The following GPR180 variants were observed in gnomAD, a reference collection of about 807,000 sequenced individuals.
GPR180 encodes G protein-coupled receptor 180.
A neutral mutation model predicts 52.6 loss-of-function variants in GPR180; 53 were observed. That is an observed-to-expected ratio of 1.01 (90% CI 0.81 to 1.27). The LOEUF is 1.27. Ranked by LOEUF, GPR180 falls within the 50% of genes most tolerant of loss-of-function variation. The pLI, the probability that GPR180 is intolerant of heterozygous loss-of-function variation, is 0.00. For missense variants in GPR180, 533 were observed against 527.0 expected, an observed-to-expected ratio of 1.01 and a Z score of -0.11; for synonymous variants, 200 against 193.1, an observed-to-expected ratio of 1.04 and a Z score of -0.30.
intron 5 of GPR180, among the ~76,000 whole-genome samples, chr13:94,620,359 T>C (rs1408783532): frequency 6.6e-6 from 1 of 152,178 alleles, no homozygotes; most frequent in Non-Finnish European, 1.5e-5. Context: ...ATAAAATAAA[T>C]ATATATATGA....
In GPR180 at chr13:94,602,045, C is replaced by A; in HGVS notation, c.118C>A (p.Gln40Lys). 1 of 1,441,342 alleles carries A rather than the reference C, an allele frequency of 6.9e-7. No homozygotes were observed. The highest frequency in any genetic ancestry group is 9.1e-7 in the Non-Finnish European group (1 of 1,096,056). 89.3% of individuals were successfully genotyped at this position (1,441,342 alleles called of 1,614,324 possible). ...CACCGCGGCCCAGGACGCCCAGGGC[C>A]AGCGCATCGGCCACTTCGAGTTCCA... The part of the protein sequence containing the change: ...SSTAAQDAQG[Q>K]RIGHFEFHGD... The change falls in exon 1 of 9, where the codon CAG becomes AAG. Residue 40 changes from glutamine to lysine, a missense_variant. Physicochemically the swap from Gln to Lys is moderately conservative, Grantham distance 53 (BLOSUM62 1). Transcript: ENST00000376958.
In GPR180 at chr13:94,627,428, AT is replaced by A; in HGVS notation, c.*258del. 2.4e-6 allele frequency: 1 copy of A among 409,186 alleles called. No individual in the cohort carries two copies. Among genetic ancestry groups the A allele is most frequent in the Non-Finnish European group, 4.3e-6 (1 of 233,908 alleles). 25.3% of individuals were successfully genotyped at this position (409,186 alleles called of 1,614,324 possible). ...TTATTGAAGCGATTTCTATGTGGAA[AT>A]AAATGTGAAAAATAACTATGATATT... On this transcript the variant is annotated 3_prime_UTR_variant, in exon 9 of 9. Transcript: ENST00000376958.
Position 94,633,479 on chromosome 13 carries a change from TATTA to T in GPR180, c.*6312_*6315del, listed in dbSNP as rs1202114464. 8.5e-5 allele frequency: 13 copies of T among 152,300 alleles called. No homozygotes were observed. In the East Asian group the frequency reaches 2.5e-3, roughly 29 times the overall value. The allele number at this position is 152,300 out of a possible 1,614,324, so 9.4% of individuals were successfully genotyped here. Reference sequence around the variant, plus strand: ...TTATAGTTTTAATTTGCATTTCTCTTATTAATTTTTGTTTTAAAACCATTTTCTT... The same window carrying T: ...TTATAGTTTTAATTTGCATTTCTCTTATTTTTGTTTTAAAACCATTTTCTT... On this transcript the variant is annotated 3_prime_UTR_variant, in exon 9 of 9. Coordinates refer to ENST00000376958, the MANE Select transcript of GPR180 (RefSeq NM_180989.6).
At position 94,628,735 on chromosome 13, in the gene GPR180, A is replaced by G. The variant is rs1419655744; in HGVS notation, c.*1564A>G. 1 of 152,088 alleles carries G rather than the reference A, an allele frequency of 6.6e-6. No individual in the cohort carries two copies. The highest frequency in any genetic ancestry group is 2.4e-5 in the African/African-American group (1 of 41,458). The allele number at this position is 152,088 out of a possible 1,614,324, so 9.4% of individuals were successfully genotyped here. A position where few individuals can be genotyped will look rare whatever the true frequency, so the allele number is the denominator to read the frequency against. On this transcript the variant is annotated 3_prime_UTR_variant, in exon 9 of 9. Coordinates refer to ENST00000376958, the MANE Select transcript of GPR180 (RefSeq NM_180989.6). ...TTAGAGCTACAGGTTAAGACTAGAA[A>G]GTCTGAGTTATGTTTTAGGTATACA...
In GPR180 at chr13:94,634,608, C is replaced by G. The variant is rs1890040861; in HGVS notation, c.*7437C>G. The G allele has an allele frequency of 6.6e-6, 1 of 152,084 alleles. No homozygotes were observed. Among genetic ancestry groups the G allele is most frequent in the Admixed American group, 6.6e-5 (1 of 15,260 alleles). The allele number at this position is 152,084 out of a possible 1,614,324, so 9.4% of individuals were successfully genotyped here. On this transcript the variant is annotated 3_prime_UTR_variant, in exon 9 of 9. Transcript: ENST00000376958. ...TTCCCAGTCACCTAACTGAATTCTTCTAACAGTTGTAATAAATTTCTGGTT... is the reference window on the plus strand; with the variant it reads ...TTCCCAGTCACCTAACTGAATTCTTGTAACAGTTGTAATAAATTTCTGGTT...
At chr13:94,618,395 C>T (rs2139570251) in intron 3 of GPR180, among the ~76,000 whole-genome samples, 1 of 134,190 alleles carries the variant, frequency 7.5e-6, no homozygotes, top group Admixed American at 7.4e-5. Flanking sequence ...CCAATCCTGG[C>T]ATGGAGTCGC....
intron 4 of GPR180, 65 bp downstream of exon 4, chr13:94,619,395 A>G: frequency 6.2e-7 from 1 of 1,602,918 alleles, no homozygotes. Flanking sequence ...AGTCCACCAA[A>G]ATTATGCTTG....
intron 7 of GPR180, among the ~76,000 whole-genome samples, chr13:94,623,856 A>T (rs1389171048): frequency 6.6e-6 from 1 of 152,180 alleles, no homozygotes; most frequent in Admixed American, 6.5e-5. Context: ...TGCCTGGTTC[A>T]TAGTTTCATC....
intron 2 of GPR180, among the ~76,000 whole-genome samples, chr13:94,609,058 A>T (rs1342780437): frequency 1.3e-5 from 2 of 152,220 alleles, no homozygotes; most frequent in Non-Finnish European, 2.9e-5. Flanking sequence ...GGAGATTCGG[A>T]GGAATTTTCT....
At chr13:94,624,733 G>C (rs1434126329) in intron 7 of GPR180, among the ~76,000 whole-genome samples, 1 of 152,082 alleles carries the variant, frequency 6.6e-6, no homozygotes, top group Non-Finnish European at 1.5e-5. Context: ...TAGTAGAGAC[G>C]GGGTTTCACC....
chr13:94,634,471 A>G lies in GPR180; in HGVS notation c.*7300A>G, dbSNP rs562376596. 1 of 152,226 alleles carries G rather than the reference A, an allele frequency of 6.6e-6. No homozygotes were observed. The highest frequency in any genetic ancestry group is 1.5e-5 in the Non-Finnish European group (1 of 67,984). The allele number at this position is 152,226 out of a possible 1,614,324, so 9.4% of individuals were successfully genotyped here. ...TCAATCACCTTTTAAAGACTTCTTT[A>G]TATAGCTCTTGTACATTTCTTGATA... On this transcript the variant is annotated 3_prime_UTR_variant, in exon 9 of 9. Coordinates refer to ENST00000376958, the MANE Select transcript of GPR180 (RefSeq NM_180989.6).
In GPR180 at chr13:94,601,884, C is replaced by G. The variant is rs1055277814; in HGVS notation, c.-44C>G. ...CTGCCGACGTGGGGCGGGCAGCCGC[C>G]GGCGGCTGGGAGCCGAGGCGTCGGT... On this transcript the variant is annotated 5_prime_UTR_variant, in exon 1 of 9. Transcript: ENST00000376958. The G allele has an allele frequency of 2.2e-6, 3 of 1,340,688 alleles. No individual in the cohort carries two copies. The highest frequency in any genetic ancestry group is 2.9e-6 in the Non-Finnish European group (3 of 1,045,242). The allele number at this position is 1,340,688 out of a possible 1,614,324, so 83.0% of individuals were successfully genotyped here. A position where few individuals can be genotyped will look rare whatever the true frequency, so the allele number is the denominator to read the frequency against.
Position 94,601,922 on chromosome 13 carries a change from A to T in GPR180, c.-6A>T. On this transcript the variant is annotated 5_prime_UTR_variant, in exon 1 of 9. Transcript: ENST00000376958. ...CCGAGGCGTCGGTGCAGACCTGGAG[A>T]CGGGCATGGGGGGGCTGCGGCTGCT... 1 of 1,482,202 alleles carries T rather than the reference A, an allele frequency of 6.7e-7. No homozygotes were observed. The highest frequency in any genetic ancestry group is 1.5e-5 in the African/African-American group (1 of 68,882). The allele number at this position is 1,482,202 out of a possible 1,614,324, so 91.8% of individuals were successfully genotyped here.
chr13:94,625,948 C>A lies in GPR180; in HGVS notation c.1087-18C>A. On this transcript the variant is annotated intron_variant, in intron 7 of 8. Transcript: ENST00000376958. ...AAGCTACACAGTTCTACTTATTTCA[C>A]TTTTTCCTTTGTTTCAGGGCTGTAT... 1 of 1,597,324 alleles carries A rather than the reference C, an allele frequency of 6.3e-7. No individual in the cohort carries two copies.
rs1889999609 is a variant in GPR180, at chr13:94,631,615, G to A, written c.*4444G>A. The A allele has an allele frequency of 2.1e-5, 3 of 145,882 alleles. No individual in the cohort carries two copies. Among genetic ancestry groups the A allele is most frequent in the Non-Finnish European group, 4.5e-5 (3 of 66,692 alleles). The allele number at this position is 145,882 out of a possible 1,614,324, so 9.0% of individuals were successfully genotyped here. A position where few individuals can be genotyped will look rare whatever the true frequency, so the allele number is the denominator to read the frequency against. Reference sequence around the variant, plus strand: ...TATGCCTAATACTAGGACACTCCCTGGTGCATACTAGATGCTCAAAAATAT... The same window carrying A: ...TATGCCTAATACTAGGACACTCCCTAGTGCATACTAGATGCTCAAAAATAT... On this transcript the variant is annotated 3_prime_UTR_variant, in exon 9 of 9. Coordinates refer to ENST00000376958, the MANE Select transcript of GPR180 (RefSeq NM_180989.6).
intron 1 of GPR180, 22 bp downstream of exon 1, chr13:94,602,094 G>A (rs772558124): frequency 5.5e-5 from 72 of 1,319,572 alleles, no homozygotes; most frequent in Non-Finnish European, 7.0e-5. Flanking sequence ...GGCGGGGAGG[G>A]GGATGAAGGC....
At chr13:94,602,797 A>T (rs1030473242) in intron 1 of GPR180, among the ~76,000 whole-genome samples, 2 of 152,142 alleles carry the variant, frequency 1.3e-5, no homozygotes, top group African/African-American at 4.8e-5. Flanking sequence ...TGCATTTGCA[A>T]TTCATTCTAA....
At chr13:94,625,052 G>A (rs1433754385) in intron 7 of GPR180, among the ~76,000 whole-genome samples, 1 of 152,132 alleles carries the variant, frequency 6.6e-6, no homozygotes, top group African/African-American at 2.4e-5. Context: ...GACCTCAGGT[G>A]ATCCGCCCGC....
chr13:94,611,017 T>C (rs564799354), intron 2 of GPR180, among the ~76,000 whole-genome samples: 13 of 152,236 alleles, frequency 8.5e-5, no homozygotes, highest in Non-Finnish European at 1.6e-4. Flanking sequence ...TTAGTGCTTA[T>C]ATCAGCCCTT....
Sources: allele counts gnomAD v4.1 joint callset (sites outside exome capture counted in the v4.1 genomes callset), GRCh38; gene constraint gnomAD v4.1.1; transcripts MANE v1.5; gene names NCBI Gene and HGNC (gene_info 2026-07-23, HGNC 2026-07-21).